DCC: variants seen among roughly 807,000 people sequenced by gnomAD.
The protein encoded by DCC is netrin receptor DCC.
Under a neutral mutation model 172.5 loss-of-function variants are expected in DCC, and 58 were observed. The ratio of observed to expected loss-of-function variants is 0.34; its 90% CI spans 0.27 to 0.42. The LOEUF (loss-of-function observed/expected upper bound fraction) is 0.42, where lower values mean the gene tolerates loss of function less well. Ranked by LOEUF, DCC falls within the 10% of genes least tolerant of loss-of-function variation. The pLI is 1.00. For missense variants in DCC, 1,740 were observed against 1,791.0 expected, an observed-to-expected ratio of 0.97 and a Z score of 0.51; for synonymous variants, 709 against 644.5, an observed-to-expected ratio of 1.10 and a Z score of -1.52.
rs149488999 is a variant in DCC at position 53,118,216 on chromosome 18, T to A, written c.1262-39140T>A. The stretch of plus-strand genomic sequence containing the variant: ...TTTGCAGTGACATGATTATTATTAC[T>A]TTTTTCTAAACCAGCTCTTATAGGC... On this transcript the variant is annotated intron_variant, in intron 7 of 28. Transcript: ENST00000442544. Among the ~76,000 whole-genome samples the A allele has an allele frequency of 1.5e-3, 230 of 151,912 alleles. 2 individuals are homozygous for A. Among genetic ancestry groups the A allele is most frequent in the African/African-American group, 4.9e-3 (202 of 41,526 alleles).
chr18:53,310,408 A>C (rs1202609052), intron 13 of DCC, among the ~76,000 whole-genome samples: 1 of 152,100 alleles, frequency 6.6e-6, no homozygotes, highest in Non-Finnish European at 1.5e-5. Context: ...GTATGTTATA[A>C]ATATTCAGGT....
At chr18:52,888,412 G>T (rs998762627) in intron 2 of DCC, among the ~76,000 whole-genome samples, 1 of 152,124 alleles carries the variant, frequency 6.6e-6, no homozygotes, top group Non-Finnish European at 1.5e-5. Context: ...TCAGCTTGGT[G>T]TGAATAATAA....
In DCC at chr18:52,890,042, T is replaced by A. The variant is rs576336692; in HGVS notation, c.413-16002T>A. 7.6e-4 allele frequency among the ~76,000 whole-genome samples: 116 copies of A among 152,280 alleles called. No homozygotes were observed. In the Middle Eastern group the frequency reaches 0.017, roughly 22 times the overall value. ...AATTTAATTGGATGAAAATATGGTATCTGTACCAATAAATAGCTGCTGATT... is the reference window on the plus strand; with the variant it reads ...AATTTAATTGGATGAAAATATGGTAACTGTACCAATAAATAGCTGCTGATT... On this transcript the variant is annotated intron_variant, in intron 2 of 28. Transcript: ENST00000442544.
At chr18:52,987,486 C>T (rs1034058587) in intron 5 of DCC, among the ~76,000 whole-genome samples, 5 of 152,238 alleles carry the variant, frequency 3.3e-5, no homozygotes, top group Non-Finnish European at 7.4e-5. Context: ...GCTGCCAAAC[C>T]CTAACTCAAA....
intron 5 of DCC, among the ~76,000 whole-genome samples, chr18:52,969,637 G>C (rs1213524703): frequency 2.3e-5 from 3 of 132,998 alleles, no homozygotes; most frequent in Non-Finnish European, 3.1e-5. Context: ...GTGACTCTCT[G>C]TGTCTCTCTC....
chr18:53,123,724 C>A (rs1402695387), intron 7 of DCC, among the ~76,000 whole-genome samples: 1 of 151,800 alleles, frequency 6.6e-6, no homozygotes, highest in Non-Finnish European at 1.5e-5. Context: ...TTTCTTCCAC[C>A]TTTTCTGCTT....
chr18:52,780,996 GAAAA>G (rs1229474300), intron 2 of DCC, among the ~76,000 whole-genome samples: 1 of 151,798 alleles, frequency 6.6e-6, no homozygotes, highest in Non-Finnish European at 1.5e-5. Flanking sequence ...AGATTAACAA[GAAAA>G]AAAGCAGAAC....
At chr18:53,464,000 A>G (rs1225832460) in intron 24 of DCC, among the ~76,000 whole-genome samples, 1 of 152,202 alleles carries the variant, frequency 6.6e-6, no homozygotes, top group African/African-American at 2.4e-5. Flanking sequence ...AACAAAACCT[A>G]CTTCATTCTC....
chr18:52,722,641 C>T (rs2036490157), intron 1 of DCC, among the ~76,000 whole-genome samples: 1 of 152,114 alleles, frequency 6.6e-6, no homozygotes, highest in African/African-American at 2.4e-5. Context: ...TAATAAATGT[C>T]CTCCCAATTG....
chr18:53,265,807 G>A (rs995123614), intron 12 of DCC, among the ~76,000 whole-genome samples: 21 of 152,114 alleles, frequency 1.4e-4, no homozygotes, highest in Non-Finnish European at 2.9e-4. Context: ...TTCAAACTTG[G>A]AACTCATGAT....
intron 15 of DCC, among the ~76,000 whole-genome samples, chr18:53,353,834 T>C (rs898437584): frequency 1.3e-5 from 2 of 152,200 alleles, no homozygotes; most frequent in African/African-American, 4.8e-5. Context: ...GTTTGTTACA[T>C]ATGTATACAT....
chr18:52,930,207 C>T (rs758261431), intron 5 of DCC, among the ~76,000 whole-genome samples: 4 of 152,046 alleles, frequency 2.6e-5, no homozygotes, highest in Non-Finnish European at 4.4e-5. Flanking sequence ...TGAAGTGATC[C>T]TGCCACCTTG....
intron 1 of DCC, among the ~76,000 whole-genome samples, chr18:52,712,831 T>C (rs1185420346): frequency 2.0e-5 from 3 of 152,288 alleles, no homozygotes; most frequent in Middle Eastern, 3.4e-3. Flanking sequence ...GAGCTGCAGA[T>C]GGATATGTTT....
intron 2 of DCC, among the ~76,000 whole-genome samples, chr18:52,847,709 T>C (rs749296327): frequency 1.4e-4 from 21 of 152,152 alleles, no homozygotes; most frequent in Non-Finnish European, 2.8e-4. Flanking sequence ...CTCTGACTAT[T>C]AGTTTCCTGG....
intron 27 of DCC, among the ~76,000 whole-genome samples, chr18:53,522,853 G>A (rs2046415041): frequency 1.3e-5 from 2 of 152,086 alleles, no homozygotes; most frequent in Admixed American, 6.6e-5. Context: ...ACATAGGCAT[G>A]GGCAAAGACT....
chr18:52,791,877 G>A (rs11874333), intron 2 of DCC, among the ~76,000 whole-genome samples: 5,817 of 152,118 alleles, frequency 0.038, 161 homozygotes, highest in Non-Finnish European at 0.051. Context: ...AGCAGAATAC[G>A]TGCCTTAAAA....
chr18:53,027,465 T>G (rs149152626), intron 5 of DCC, among the ~76,000 whole-genome samples: 2 of 152,090 alleles, frequency 1.3e-5, no homozygotes, highest in East Asian at 3.9e-4. Context: ...GGAGAGCCAG[T>G]TTGAAATTGT....
At chr18:53,339,986 G>A in intron 15 of DCC, 79 bp downstream of exon 15, 2 of 1,330,712 alleles carry the variant, frequency 1.5e-6, no homozygotes, top group Non-Finnish European at 2.1e-6. Context: ...TTGGAAAACT[G>A]TTCCCTGGTA....
At chr18:52,796,141 A>G (rs1406538071) in intron 2 of DCC, among the ~76,000 whole-genome samples, 2 of 144,408 alleles carry the variant, frequency 1.4e-5, no homozygotes, top group Non-Finnish European at 3.0e-5. Context: ...ATCGGTCTTT[A>G]TAGGTGGAGT....
Sources: gnomAD v4.1 joint callset for allele counts (sites outside exome capture counted in the v4.1 genomes callset) on GRCh38, gnomAD v4.1.1 for gene constraint, MANE v1.5 for transcripts, NCBI Gene and HGNC (gene_info 2026-07-23, HGNC 2026-07-21) for gene names.